MYEF2: variants seen among roughly 807,000 people sequenced by gnomAD.
MYEF2 encodes the protein myelin gene expression factor 2.
MYEF2 carries 37 observed loss-of-function variants against 75.2 expected under a neutral mutation model. The ratio of observed to expected loss-of-function variants is 0.49; its 90% CI spans 0.38 to 0.65. The LOEUF (loss-of-function observed/expected upper bound fraction) is 0.65. Ranked by LOEUF, MYEF2 falls within the 30% of genes least tolerant of loss-of-function variation. The pLI, the probability that MYEF2 is intolerant of heterozygous loss-of-function variation, is 0.00. For missense variants in MYEF2, 634 were observed against 771.4 expected (o/e 0.82, Z 2.11); for synonymous variants, 195 against 241.6 (o/e 0.81, Z 1.79).
Position 48,140,966 on chromosome 15 carries a change from TA to T in MYEF2, c.*1941del. ...AGCCTGATTCAAATATGTTGCTAGC[TA>T]AAAAACTAATAAGCAAGCACATATT... On this transcript the variant is annotated 3_prime_UTR_variant, in exon 17 of 17. Coordinates refer to ENST00000324324, the MANE Select transcript of MYEF2 (RefSeq NM_016132.5). 1.8e-6 allele frequency: 1 copy of T among 569,700 alleles called. No individual in the cohort carries two copies. Among genetic ancestry groups the T allele is most frequent in the Non-Finnish European group, 3.0e-6 (1 of 331,518 alleles). 35.3% of individuals were successfully genotyped at this position (569,700 alleles called of 1,614,324 possible).
In MYEF2 at chr15:48,178,211, C is replaced by G. The variant is rs1250295863; in HGVS notation, c.27G>C (p.Val9=). Residue 9 remains valine (V), a synonymous_variant, in exon 1 of 17, where the codon GTG becomes GTC. Transcript: ENST00000324324. Reference sequence around the variant, plus strand: ...GGCTGTCGCCACCAGTGGCCCCGGGCACCTCGGCCTTGTTGGCGTCCGCCA... The same window carrying G: ...GGCTGTCGCCACCAGTGGCCCCGGGGACCTCGGCCTTGTTGGCGTCCGCCA... MADANKAE[V]PGATGGDSPH... 6.8e-7 allele frequency: 1 copy of G among 1,478,250 alleles called. No homozygotes were observed. The highest frequency in any genetic ancestry group is 1.3e-5 in the South Asian group (1 of 74,640). 91.6% of individuals were successfully genotyped at this position (1,478,250 alleles called of 1,614,324 possible).
rs1289186302 is a variant in MYEF2 at position 48,151,484 on chromosome 15, A to G, written c.1295T>C (p.Phe432Ser). ...IGINRGFGDS[F>S]GRLGSAMIGG... ...GCAGCCAGCCCTACCAAGTCTACCA[A>G]AGGAATCTCCAAAGCCTCGATTTAT... The change falls in exon 13 of 17, where the codon TTT becomes TCT. Residue 432 changes from phenylalanine (F) to serine (S), a missense_variant. By Grantham distance (155) the Phe-to-Ser change is radical. Coordinates refer to ENST00000324324, the MANE Select transcript of MYEF2 (RefSeq NM_016132.5). The G allele has an allele frequency of 3.1e-6, 5 of 1,612,668 alleles. No homozygotes were observed. The highest frequency in any genetic ancestry group is 2.5e-6 in the Non-Finnish European group (3 of 1,178,960).
intron 5 of MYEF2, among the ~76,000 whole-genome samples, chr15:48,161,792 T>G (rs1367803165): frequency 6.7e-6 from 1 of 148,592 alleles, no homozygotes; most frequent in African/African-American, 2.5e-5. Flanking sequence ...ACAGAAAACA[T>G]AAAACAGAAA....
chr15:48,170,924 G>A (rs1008499234), intron 1 of MYEF2, among the ~76,000 whole-genome samples: 30 of 152,228 alleles, frequency 2.0e-4, no homozygotes, highest in African/African-American at 7.0e-4. Context: ...CTAGAATAAA[G>A]AAAGAGACAT....
chr15:48,152,516 T>C (rs2039530591), intron 10 of MYEF2: 1 of 438,452 alleles, frequency 2.3e-6, no homozygotes. Flanking sequence ...CAAAATTCAC[T>C]AGTAACACCC....
chr15:48,161,707 AGC>A, intron 5 of MYEF2, among the ~76,000 whole-genome samples: 1 of 151,462 alleles, frequency 6.6e-6, no homozygotes, highest in South Asian at 2.1e-4. Context: ...GATGATATTT[AGC>A]ATCCAATAAA....
chr15:48,135,193 C>T lies in MYEF2; in HGVS notation c.*7715G>A, dbSNP rs1281523446. The stretch of plus-strand genomic sequence containing the variant: ...TTCTTCTTAATCACTTCACAGTCTC[C>T]TTTTTTCTCTCACTAGTCACTGGAG... On this transcript the variant is annotated 3_prime_UTR_variant, in exon 17 of 17. Transcript: ENST00000324324. 1.7e-5 allele frequency: 7 copies of T among 403,898 alleles called. No individual in the cohort carries two copies. The highest frequency in any genetic ancestry group is 7.6e-5 in the Admixed American group (2 of 26,158). The allele number at this position is 403,898 out of a possible 1,614,324, so 25.0% of individuals were successfully genotyped here. A position where few individuals can be genotyped will look rare whatever the true frequency, so the allele number is the denominator to read the frequency against.
chr15:48,153,272 C>T (rs2039564791), intron 10 of MYEF2: 1 of 151,804 alleles, frequency 6.6e-6, no homozygotes, highest in African/African-American at 2.4e-5. Context: ...ATTTATAATA[C>T]AGTAAATACT....
At chr15:48,159,544 T>C (rs1254208440) in intron 6 of MYEF2, 69 bp downstream of exon 6, 3 of 1,371,970 alleles carry the variant, frequency 2.2e-6, no homozygotes, top group Non-Finnish European at 3.0e-6. Flanking sequence ...TATAAACCTA[T>C]AACTCATTCA....
intron 16 of MYEF2, among the ~76,000 whole-genome samples, chr15:48,145,856 T>TC (rs1173581944): frequency 6.6e-6 from 1 of 151,932 alleles, no homozygotes; most frequent in Non-Finnish European, 1.5e-5. Context: ...CAATGAATGC[T>TC]CATCATATAT....
At chr15:48,153,566 G>A (rs1760977579) in intron 10 of MYEF2, 1 of 435,352 alleles carries the variant, frequency 2.3e-6, no homozygotes, top group African/African-American at 2.0e-5. Flanking sequence ...ATGCTAAAAG[G>A]CTAGCTACAA....
chr15:48,168,268 T>A (rs1410822713), intron 2 of MYEF2, among the ~76,000 whole-genome samples: 1 of 151,424 alleles, frequency 6.6e-6, no homozygotes, highest in East Asian at 1.9e-4. Context: ...GGAAAAAAAA[T>A]AAATAATCAG....
At chr15:48,147,307 C>A (rs2039320977) in intron 16 of MYEF2, among the ~76,000 whole-genome samples, 1 of 151,984 alleles carries the variant, frequency 6.6e-6, no homozygotes. Context: ...AAACAGAAAG[C>A]AGCCTACAAA....
In MYEF2 at chr15:48,142,347, G is replaced by T. The variant is rs2039121391; in HGVS notation, c.*561C>A. ...AATAATAAAATAAGGGGCTGTGGAG[G>T]TTGATATTATTAATAGTGTTATGCA... On this transcript the variant is annotated 3_prime_UTR_variant, in exon 17 of 17. Coordinates refer to ENST00000324324, the MANE Select transcript of MYEF2 (RefSeq NM_016132.5). 12 of 1,584,678 alleles carry T rather than the reference G, an allele frequency of 7.6e-6. No individual in the cohort carries two copies. Among genetic ancestry groups the T allele is most frequent in the Non-Finnish European group, 9.5e-6 (11 of 1,162,706 alleles).
chr15:48,147,746 CA>C (rs1338350996), intron 16 of MYEF2, among the ~76,000 whole-genome samples: 2 of 151,946 alleles, frequency 1.3e-5, no homozygotes, highest in Non-Finnish European at 2.9e-5. Context: ...AGAGAGTCAA[CA>C]GAACATCCTA....
Position 48,149,439 on chromosome 15 carries a change from A to G in MYEF2, c.1379-68T>C, listed in dbSNP as rs2039411328. 7.2e-7 allele frequency: 1 copy of G among 1,395,062 alleles called. No homozygotes were observed. The highest frequency in any genetic ancestry group is 1.2e-5 in the South Asian group (1 of 82,608). 86.4% of individuals were successfully genotyped at this position (1,395,062 alleles called of 1,614,324 possible). A position where few individuals can be genotyped will look rare whatever the true frequency, so the allele number is the denominator to read the frequency against. On this transcript the variant is annotated intron_variant, in intron 14 of 16. Coordinates refer to ENST00000324324, the MANE Select transcript of MYEF2 (RefSeq NM_016132.5). The surrounding 1 kb of genome is among the most constrained non-coding windows in gnomAD (Gnocchi z 4.0). ...TTTTTGTTTCAAAAACATAAGGAAA[A>G]GGAGAAGAGGAGAAAGGAGGAAAAG... is the stretch of plus-strand genomic sequence containing the variant.
At position 48,136,071 on chromosome 15, in the gene MYEF2, G is replaced by A. The variant is rs1235847464; in HGVS notation, c.*6837C>T. On this transcript the variant is annotated 3_prime_UTR_variant, in exon 17 of 17. Transcript: ENST00000324324. The stretch of plus-strand genomic sequence containing the variant: ...CCAGAGTACAGGGAAACAGTTCTTG[G>A]TTCCAAGGGTATAATTTTATATTTT... 1 of 152,094 alleles carries A rather than the reference G, an allele frequency of 6.6e-6. No individual in the cohort carries two copies. Among genetic ancestry groups the A allele is most frequent in the East Asian group, 1.9e-4 (1 of 5,186 alleles). The allele number at this position is 152,094 out of a possible 1,614,324, so 9.4% of individuals were successfully genotyped here. A position where few individuals can be genotyped will look rare whatever the true frequency, so the allele number is the denominator to read the frequency against.
At chr15:48,162,057 T>C (rs2039960450) in intron 5 of MYEF2, among the ~76,000 whole-genome samples, 1 of 151,836 alleles carries the variant, frequency 6.6e-6, no homozygotes, top group African/African-American at 2.4e-5. Flanking sequence ...GCTAATTCTA[T>C]ACATTCCTGT....
Position 48,137,887 on chromosome 15 carries a change from A to G in MYEF2, c.*5021T>C, listed in dbSNP as rs2038941695. ...CAGTAGGAAGTCAGAAAATTCAGCTATGGTCAAAATTATAAGTTCATGGGT... is the reference window on the plus strand; with the variant it reads ...CAGTAGGAAGTCAGAAAATTCAGCTGTGGTCAAAATTATAAGTTCATGGGT... On this transcript the variant is annotated 3_prime_UTR_variant, in exon 17 of 17. Coordinates refer to ENST00000324324, the MANE Select transcript of MYEF2 (RefSeq NM_016132.5). 1 of 152,138 alleles carries G rather than the reference A, an allele frequency of 6.6e-6. No homozygotes were observed. Among genetic ancestry groups the G allele is most frequent in the Admixed American group, 6.6e-5 (1 of 15,252 alleles). 9.4% of individuals were successfully genotyped at this position (152,138 alleles called of 1,614,324 possible). A position where few individuals can be genotyped will look rare whatever the true frequency, so the allele number is the denominator to read the frequency against.
Sources: gnomAD v4.1 joint callset for allele counts (sites outside exome capture counted in the v4.1 genomes callset) on GRCh38, gnomAD v4.1.1 for gene constraint, Gnocchi (gnomAD v3.1) non-coding constraint, MANE v1.5 for transcripts, NCBI Gene and HGNC (gene_info 2026-07-23, HGNC 2026-07-21) for gene names.